VIRMA: variants seen among roughly 807,000 people sequenced by gnomAD.
The protein encoded by VIRMA is protein virilizer homolog.
VIRMA carries 65 observed loss-of-function variants against 182.4 expected under a neutral mutation model. The observed-to-expected ratio is 0.36, with a 90% CI of 0.29 to 0.44. The LOEUF is 0.44. VIRMA is among the 20% of genes least tolerant of loss of function. VIRMA has a pLI of 1.00. For missense variants in VIRMA, 1,752 were observed against 2,158.1 expected, an observed-to-expected ratio of 0.81 and a Z score of 3.73; for synonymous variants, 709 against 743.1, an observed-to-expected ratio of 0.95 and a Z score of 0.75.
At chr8:94,531,450 T>C (rs1815170360) in intron 5 of VIRMA, among the ~76,000 whole-genome samples, 1 of 152,186 alleles carries the variant, frequency 6.6e-6, no homozygotes, top group African/African-American at 2.4e-5. Flanking sequence ...CTAATAAACT[T>C]TTCCTTCCTG....
intron 4 of VIRMA, 112 bp from the exon 5 acceptor site, chr8:94,535,119 G>C: frequency 6.9e-7 from 1 of 1,451,582 alleles, no homozygotes; most frequent in Non-Finnish European, 9.1e-7. Flanking sequence ...AAAGTATGCT[G>C]AAAATGCAAA....
At chr8:94,500,956 C>T (rs1222615249) in intron 16 of VIRMA, among the ~76,000 whole-genome samples, 1 of 151,798 alleles carries the variant, frequency 6.6e-6, no homozygotes, top group Non-Finnish European at 1.5e-5. Flanking sequence ...TTTAAAAAAT[C>T]AACAAGGGGT....
Position 94,553,373 on chromosome 8 carries a change from G to T in VIRMA, c.63+12C>A, listed in dbSNP as rs1005019117. 2 of 1,613,428 alleles carry T rather than the reference G, an allele frequency of 1.2e-6. No individual in the cohort carries two copies. The highest frequency in any genetic ancestry group is 1.7e-6 in the Non-Finnish European group (2 of 1,179,346). On this transcript the variant is annotated intron_variant, in intron 1 of 23. Transcript: ENST00000297591. ...CAAGAAGCAGCGTCAGAATCAAGTC[G>T]CCAAGCCTTACCTCAGCGCTCGGGT...
At position 94,510,577 on chromosome 8, in the gene VIRMA, T is replaced by C. The variant is rs1814330163; in HGVS notation, c.3466A>G (p.Lys1156Glu). ...GAGCGAACTATTTCTTGGAGCAACT[T>C]TGCTTGAACATGAAGGTGCATGCTC... ...LWSMHLHVQA[K>E]LLQEIVRSFS... The change falls in exon 14 of 24, where the codon AAG (lysine) becomes GAG (glutamate). Residue 1156 changes from lysine (K) to glutamate (E), a missense_variant. Lys to Glu is a moderately conservative substitution (Grantham distance 56, BLOSUM62 1). Around this residue, in one of 11 missense-constraint regions of VIRMA, gnomAD observed 777 missense variants for 920.6 expected, o/e 0.84. Transcript: ENST00000297591. The C allele has an allele frequency of 6.2e-7, 1 of 1,614,154 alleles. No homozygotes were observed. Among genetic ancestry groups the C allele is most frequent in the Non-Finnish European group, 8.5e-7 (1 of 1,180,010 alleles).
intron 1 of VIRMA, chr8:94,546,816 A>C (rs1815784358): frequency 2.4e-6 from 1 of 414,560 alleles, no homozygotes. Context: ...CTCCTACTGA[A>C]GTATGGTCTT....
At chr8:94,500,714 C>T (rs1473345578) in intron 16 of VIRMA, among the ~76,000 whole-genome samples, 2 of 146,948 alleles carry the variant, frequency 1.4e-5, no homozygotes, top group African/African-American at 5.0e-5. Flanking sequence ...GTTAAACACA[C>T]ACACCTATCA....
rs115459956 is a variant in VIRMA, at chr8:94,492,263, T to C, written c.4809-354A>G. ...GATTCGAATGCTATGTTAATTTCCTTTCTAGTTTAATAGCATGTGTCTTTT... is the reference window on the plus strand; with the variant it reads ...GATTCGAATGCTATGTTAATTTCCTCTCTAGTTTAATAGCATGTGTCTTTT... On this transcript the variant is annotated intron_variant, in intron 21 of 23. Transcript: ENST00000297591. Among the ~76,000 whole-genome samples, 174 of 152,066 alleles carry C rather than the reference T, an allele frequency of 1.1e-3. 1 individual carries two copies. Among genetic ancestry groups the C allele is most frequent in the African/African-American group, 3.7e-3 (155 of 41,522 alleles).
At position 94,494,960 on chromosome 8, in the gene VIRMA, G is replaced by T; in HGVS notation, c.4545-4C>A. On this transcript the variant is annotated splice_region_variant and splice_polypyrimidine_tract_variant and intron_variant, in intron 19 of 23. Transcript: ENST00000297591. ...ATCAGCAAGCACATAGGCAGTCCTG[G>T]AACAAGAAAAGTATCTGGTGAAAAG... The T allele has an allele frequency of 6.3e-7, 1 of 1,579,724 alleles. No homozygotes were observed. The highest frequency in any genetic ancestry group is 8.7e-7 in the Non-Finnish European group (1 of 1,154,718).
chr8:94,529,824 G>C lies in VIRMA; in HGVS notation c.608-482C>G, dbSNP rs940523635. On this transcript the variant is annotated intron_variant, in intron 6 of 23. Transcript: ENST00000297591. The stretch of plus-strand genomic sequence containing the variant: ...CCGGCTAATTTTTGTATTTTTAGTA[G>C]AGATGGGGTTTCACTATGTTGGCCA... Among the ~76,000 whole-genome samples the C allele has an allele frequency of 2.0e-5, 3 of 152,140 alleles. No homozygotes were observed. The East Asian group carries it at 5.8e-4, about 29-fold the overall frequency.
intron 16 of VIRMA, among the ~76,000 whole-genome samples, chr8:94,501,210 C>T (rs1331793846): frequency 3.5e-5 from 5 of 141,420 alleles, no homozygotes; most frequent in Non-Finnish European, 7.5e-5. Context: ...GAGCCGAGAT[C>T]GCACCATTGC....
At chr8:94,531,492 T>C (rs1815173113) in intron 5 of VIRMA, among the ~76,000 whole-genome samples, 2 of 152,242 alleles carry the variant, frequency 1.3e-5, no homozygotes, top group Non-Finnish European at 2.9e-5. Flanking sequence ...TTAATCTATA[T>C]TAATAACATC....
At chr8:94,511,127 C>A in intron 13 of VIRMA, 58 bp downstream of exon 13, 1 of 1,555,364 alleles carries the variant, frequency 6.4e-7, no homozygotes, top group Non-Finnish European at 8.6e-7. Flanking sequence ...AAATCACTGG[C>A]TTTTTAAAAA....
At position 94,529,071 on chromosome 8, in the gene VIRMA, T is replaced by C. The variant is rs1410484039; in HGVS notation, c.879A>G (p.Glu293=). 2 of 1,607,762 alleles carry C rather than the reference T, an allele frequency of 1.2e-6. No individual in the cohort carries two copies. The highest frequency in any genetic ancestry group is 1.7e-6 in the Non-Finnish European group (2 of 1,174,410). The change falls in exon 7 of 24, where the codon GAA becomes GAG. Residue 293 remains glutamate, a splice_region_variant and synonymous_variant. Coordinates refer to ENST00000297591, the MANE Select transcript of VIRMA (RefSeq NM_015496.5). ...EEEGEEDEEG[E]GDDGYEQISS... ...AAAGTCCTAGCTAACATAACCCACCTTCACCTTCTTCATCCTCTTCACCTT... is the reference window on the plus strand; with the variant it reads ...AAAGTCCTAGCTAACATAACCCACCCTCACCTTCTTCATCCTCTTCACCTT...
chr8:94,536,919 C>T (rs1815365282), intron 4 of VIRMA, among the ~76,000 whole-genome samples, 184 bp downstream of exon 4: 1 of 152,012 alleles, frequency 6.6e-6, no homozygotes, highest in African/African-American at 2.4e-5. Flanking sequence ...GCAGAGCTTG[C>T]AGCGAGCCAA....
intron 8 of VIRMA, among the ~76,000 whole-genome samples, chr8:94,523,886 G>C (rs1013582347): frequency 1.3e-5 from 2 of 152,048 alleles, no homozygotes; most frequent in Non-Finnish European, 2.9e-5. Context: ...CCAACCTCCC[G>C]GGTTCAAAGG....
chr8:94,500,075 CTT>C (rs1251052143), intron 16 of VIRMA, among the ~76,000 whole-genome samples: 34 of 130,806 alleles, frequency 2.6e-4, no homozygotes, highest in African/African-American at 9.2e-4. Flanking sequence ...AAAAAAAAAA[CTT>C]AACACAGAAA....
chr8:94,496,260 A>T (rs1586063849), intron 18 of VIRMA, 68 bp downstream of exon 18: 1 of 1,351,804 alleles, frequency 7.4e-7, no homozygotes, highest in African/African-American at 1.5e-5. Flanking sequence ...GGTCACTACG[A>T]AATACTTGTA....
In VIRMA at chr8:94,488,833, G is replaced by A; in HGVS notation, c.5312C>T (p.Ala1771Val). Residue 1771 changes from alanine to valine, a missense_variant, in exon 24 of 24, where the codon GCT becomes GTT. Transcript: ENST00000297591. ...TCCAAGTCCCCCACGACCTCTAGAA[G>A]CACGGTCCCGAGGACTTGGGCGGTA... is the stretch of plus-strand genomic sequence containing the variant. ...TGYRPSPRDRASRGRGGLGPS... is the reference protein window; with the variant it reads ...TGYRPSPRDRVSRGRGGLGPS... 27 of 1,614,116 alleles carry A rather than the reference G, an allele frequency of 1.7e-5. No individual in the cohort carries two copies. The highest frequency in any genetic ancestry group is 2.2e-5 in the Non-Finnish European group (26 of 1,179,974).
At chr8:94,511,782 C>T in intron 12 of VIRMA, 53 bp from the exon 13 acceptor site, 1 of 1,137,798 alleles carries the variant, frequency 8.8e-7, no homozygotes, top group Non-Finnish European at 1.2e-6. Context: ...ATGTTAATAA[C>T]TGATTAAGAA....
Sources: gnomAD v4.1 joint callset for allele counts (sites outside exome capture counted in the v4.1 genomes callset) on GRCh38, gnomAD v4.1.1 for gene constraint, gnomAD v4.1.1 regional missense constraint, MANE v1.5 for transcripts, NCBI Gene and HGNC (gene_info 2026-07-23, HGNC 2026-07-21) for gene names.